KRT20: variants seen among roughly 807,000 people sequenced by gnomAD.
KRT20 encodes keratin 20.
A neutral mutation model predicts 43.0 loss-of-function variants in KRT20; 41 were observed. That is an observed-to-expected ratio of 0.95 (90% CI 0.74 to 1.24). The LOEUF is 1.24. KRT20 is among the 50% of genes most tolerant of loss of function. KRT20 has a pLI of 0.00. For missense variants in KRT20, 533 were observed against 521.2 expected (o/e 1.02, Z -0.22); for synonymous variants, 207 against 200.6 (o/e 1.03, Z -0.27).
At chr17:40,882,689 T>TTCTATTTA in intron 1 of KRT20, 35 bp from the exon 2 acceptor site, 1 of 530,426 alleles carries the variant, frequency 1.9e-6, no homozygotes, top group Non-Finnish European at 2.8e-6. Context: ...ACATTTTCTT[T>TTCTATTTA]TTTATTTATT....
In KRT20 at chr17:40,882,371, C is replaced by T. The variant is rs577469238; in HGVS notation, c.473+201G>A. 152 of 289,138 alleles carry T rather than the reference C, an allele frequency of 5.3e-4. No homozygotes were observed. In the East Asian group the frequency reaches 8.8e-3, roughly 17 times the overall value. 17.9% of individuals were successfully genotyped at this position (289,138 alleles called of 1,614,324 possible). On this transcript the variant is annotated intron_variant, in intron 2 of 7. Transcript: ENST00000167588. Reference sequence around the variant, plus strand: ...GTTACTGGAGGTGTTTAGTTACATGCCGGGGGATCAAGAAAGAGAAGGCCA... The same window carrying T: ...GTTACTGGAGGTGTTTAGTTACATGTCGGGGGATCAAGAAAGAGAAGGCCA...
chr17:40,883,396 AC>A (rs1207889361), intron 1 of KRT20, among the ~76,000 whole-genome samples: 1 of 152,138 alleles, frequency 6.6e-6, no homozygotes, highest in Non-Finnish European at 1.5e-5. Flanking sequence ...TCAAAACTGA[AC>A]TGGATGATCT....
In KRT20 at chr17:40,879,537, C is replaced by T. The variant is rs115161698; in HGVS notation, c.918+276G>A. Among the ~76,000 whole-genome samples, 695 of 152,166 alleles carry T rather than the reference C, an allele frequency of 4.6e-3. 5 individuals carry two copies. Among genetic ancestry groups the T allele is most frequent in the African/African-American group, 0.016 (658 of 41,500 alleles). On this transcript the variant is annotated intron_variant, in intron 5 of 7. Coordinates refer to ENST00000167588, the MANE Select transcript of KRT20 (RefSeq NM_019010.3). The stretch of plus-strand genomic sequence containing the variant: ...ACTACATCATAAATCTGCACATGTA[C>T]TCCTGAACTTAAAAGTTACAAGAAG...
rs1907526757 is a variant in KRT20 at position 40,880,006 on chromosome 17, A to G, written c.793-68T>C. On this transcript the variant is annotated intron_variant, in intron 4 of 7. Transcript: ENST00000167588. ...ATAAGAAAGAAAAGACAGAAAGAGA[A>G]AGGAAGAATGAACAAATGAAAAAGA... The G allele has an allele frequency of 2.5e-6, 4 of 1,599,318 alleles. No homozygotes were observed. The Admixed American group carries it at 6.9e-5, about 28-fold the overall frequency.
intron 3 of KRT20, 70 bp from the exon 4 acceptor site, chr17:40,880,331 CA>C: frequency 2.9e-6 from 4 of 1,389,918 alleles, no homozygotes; most frequent in Non-Finnish European, 3.9e-6. Context: ...GCAGAAAAGA[CA>C]TAAGGAGTCT....
In KRT20 at chr17:40,885,045, G is replaced by A. The variant is rs1359699404; in HGVS notation, c.141C>T (p.Ser47=). Residue 47 remains serine (S), a synonymous_variant, in exon 1 of 8, where the codon TCC becomes TCT. Coordinates refer to ENST00000167588, the MANE Select transcript of KRT20 (RefSeq NM_019010.3). ...GGAGGRGIRI[S]NSRHTVNYGS... is the part of the protein sequence containing the mutation. ...CATAGTTCACCGTGTGTCTGGAGTT[G>A]GAGATGCGGATGCCCCGGCCTCCAG... 6.2e-7 allele frequency: 1 copy of A among 1,614,180 alleles called. No individual in the cohort carries two copies. The highest frequency in any genetic ancestry group is 8.5e-7 in the Non-Finnish European group (1 of 1,180,034).
chr17:40,876,339 A>C lies in KRT20; in HGVS notation c.*22T>G. ...GCCAAATTTCTTTCAAAACCTCAGCAGCATCTCCTTCTGGTAGCTATTTAG... is the reference window on the plus strand; with the variant it reads ...GCCAAATTTCTTTCAAAACCTCAGCCGCATCTCCTTCTGGTAGCTATTTAG... On this transcript the variant is annotated 3_prime_UTR_variant, in exon 8 of 8. Coordinates refer to ENST00000167588, the MANE Select transcript of KRT20 (RefSeq NM_019010.3). 1 of 1,498,020 alleles carries C rather than the reference A, an allele frequency of 6.7e-7. No homozygotes were observed. Among genetic ancestry groups the C allele is most frequent in the East Asian group, 2.3e-5 (1 of 44,308 alleles). The allele number at this position is 1,498,020 out of a possible 1,614,324, so 92.8% of individuals were successfully genotyped here. A position where few individuals can be genotyped will look rare whatever the true frequency, so the allele number is the denominator to read the frequency against.
intron 7 of KRT20, 87 bp from the exon 8 acceptor site, chr17:40,876,545 A>T: frequency 1.3e-6 from 1 of 763,738 alleles, no homozygotes. Context: ...TATTCTTTTT[A>T]CTTATTTCCT....
rs1907748692 is a variant in KRT20, at chr17:40,885,043, T to C, written c.143A>G (p.Asn48Ser). 1 of 1,614,036 alleles carries C rather than the reference T, an allele frequency of 6.2e-7. No homozygotes were observed. Among genetic ancestry groups the C allele is most frequent in the East Asian group, 2.2e-5 (1 of 44,874 alleles). The change falls in exon 1 of 8, where the codon AAC becomes AGC. Residue 48 changes from asparagine to serine, a missense_variant. Asn to Ser is a conservative substitution (Grantham distance 46). Transcript: ENST00000167588. ...CCCATAGTTCACCGTGTGTCTGGAGTTGGAGATGCGGATGCCCCGGCCTCC... is the reference window on the plus strand; with the variant it reads ...CCCATAGTTCACCGTGTGTCTGGAGCTGGAGATGCGGATGCCCCGGCCTCC... ...GAGGRGIRISNSRHTVNYGSD... is the reference protein window; with the variant it reads ...GAGGRGIRISSSRHTVNYGSD...
Position 40,879,856 on chromosome 17 carries a change from G to A in KRT20, c.875C>T (p.Thr292Ile). The A allele has an allele frequency of 6.2e-7, 1 of 1,613,166 alleles. No individual in the cohort carries two copies. Among genetic ancestry groups the A allele is most frequent in the Non-Finnish European group, 8.5e-7 (1 of 1,179,868 alleles). Residue 292 changes from threonine (T) to isoleucine (I), a missense_variant, in exon 5 of 8, where the codon ACC becomes ATC. Physicochemically the swap from Thr to Ile is moderately conservative, Grantham distance 89. Coordinates refer to ENST00000167588, the MANE Select transcript of KRT20 (RefSeq NM_019010.3). ...GAGTTCTATCTCAAGGCTCTGGGAG[G>A]TGCGTCTCAGCTCCGTTAGTTGAAC... ...TEVQLTELRR[T>I]SQSLEIELQS...
rs766332101 is a variant in KRT20, at chr17:40,882,556, G to A, written c.473+16C>T. On this transcript the variant is annotated intron_variant, in intron 2 of 7. Transcript: ENST00000167588. ...ATTCTTTTTCAGAAACTTTTGCCAC[G>A]TATTAGGGAACCTACTTCAGTCTGA... The A allele has an allele frequency of 1.5e-5, 22 of 1,482,566 alleles. No individual in the cohort carries two copies. The highest frequency in any genetic ancestry group is 6.0e-5 in the Admixed American group (3 of 49,968). 91.8% of individuals were successfully genotyped at this position (1,482,566 alleles called of 1,614,324 possible). A position where few individuals can be genotyped will look rare whatever the true frequency, so the allele number is the denominator to read the frequency against.
chr17:40,878,152 C>T lies in KRT20; in HGVS notation c.1132G>A (p.Asp378Asn). 6.2e-7 allele frequency: 1 copy of T among 1,613,532 alleles called. No homozygotes were observed. The highest frequency in any genetic ancestry group is 1.1e-5 in the South Asian group (1 of 91,054). The change falls in exon 6 of 8, where the codon GAC becomes AAC. Residue 378 changes from aspartate to asparagine, a missense_variant. Coordinates refer to ENST00000167588, the MANE Select transcript of KRT20 (RefSeq NM_019010.3). Reference protein sequence around the residue: ...ATYRRLLEGEDVKTTEYQLST... With the variant: ...ATYRRLLEGENVKTTEYQLST... ...TGATTCTAAGAGCCTTACTTTACGT[C>T]TTCTCCTTCCAGAAGGCGGCGGTAA...
In KRT20 at chr17:40,884,921, G is replaced by T; in HGVS notation, c.265C>A (p.Arg89=). ...DRLASYLEKV[R]TLEQSNSKLE... ...TTGGAGTTGGACTGCTCCAGGGTCC[G>T]CACCTTTTCTAGGTAGCTCGCTAGA... The change falls in exon 1 of 8, where the codon CGG becomes AGG. Residue 89 remains arginine, a synonymous_variant. Coordinates refer to ENST00000167588, the MANE Select transcript of KRT20 (RefSeq NM_019010.3). The T allele has an allele frequency of 1.2e-6, 2 of 1,614,160 alleles. No individual in the cohort carries two copies. The highest frequency in any genetic ancestry group is 1.1e-5 in the South Asian group (1 of 91,080).
chr17:40,880,697 G>C lies in KRT20; in HGVS notation c.547C>G (p.Leu183Val). 2 of 1,609,878 alleles carry C rather than the reference G, an allele frequency of 1.2e-6. No homozygotes were observed. The highest frequency in any genetic ancestry group is 1.7e-6 in the Non-Finnish European group (2 of 1,178,034). ...LQGLNKVFDD[L>V]TLHKTDLEIQ... The stretch of plus-strand genomic sequence containing the variant: ...TCCAAATCTGTTTTATGTAGGGTTA[G>C]GTCATCAAAGACCTTATTCAGGCCT... Residue 183 changes from leucine (L) to valine (V), a missense_variant, in exon 3 of 8, where the codon CTA (leucine) becomes GTA (valine). Transcript: ENST00000167588.
chr17:40,882,532 T>C, intron 2 of KRT20, 40 bp downstream of exon 2: 1 of 1,143,212 alleles, frequency 8.7e-7, no homozygotes, highest in East Asian at 2.5e-5. Context: ...ACTAAAGGAA[T>C]TCTTTTTCAG....
In KRT20 at chr17:40,878,299, G is replaced by A; in HGVS notation, c.985C>T (p.Gln329Ter). The A allele has an allele frequency of 6.2e-7, 1 of 1,614,196 alleles. No individual in the cohort carries two copies. Among genetic ancestry groups the A allele is most frequent in the African/African-American group, 1.3e-5 (1 of 75,060 alleles). Residue 329 changes from glutamine to a stop codon, truncating the protein, a stop_gained, in exon 6 of 8, where the codon CAG becomes TAG. Coordinates refer to ENST00000167588, the MANE Select transcript of KRT20 (RefSeq NM_019010.3). LOFTEE classifies it high-confidence loss of function. Reference protein sequence around the residue: ...ARYSSQLANLQSLLSSLEAQL... With the variant: ...ARYSSQLANL ...GCCTCCAGAGAGCTCAACAGCGACTGGAGGTTGGCTAACTGGCTGCTGTAA... is the reference window on the plus strand; with the variant it reads ...GCCTCCAGAGAGCTCAACAGCGACTAGAGGTTGGCTAACTGGCTGCTGTAA...
chr17:40,877,444 A>G, intron 6 of KRT20, 27 bp from the exon 7 acceptor site: 3 of 1,412,236 alleles, frequency 2.1e-6, no homozygotes, highest in Non-Finnish European at 2.9e-6. Flanking sequence ...TGAAAAGAAG[A>G]AAAAAGAAAC....
intron 1 of KRT20, 117 bp downstream of exon 1, chr17:40,884,679 G>A (rs1907728412): frequency 2.6e-6 from 3 of 1,163,190 alleles, no homozygotes; most frequent in Non-Finnish European, 3.6e-6. Context: ...TTTTATAGAT[G>A]TAACATTTTA....
Position 40,877,379 on chromosome 17 carries a change from CCT to C in KRT20, c.1176_1177del (p.Asp393TyrfsTer8). ...AAAATGTGCAAAAATTTAGAACTTA[CCT>C]CTCTCTTCCAGGGTGCTTAACTGAT... is the stretch of plus-strand genomic sequence containing the variant. On this transcript the variant is annotated frameshift_variant and splice_region_variant, in exon 7 of 8. Transcript: ENST00000167588. LOFTEE classifies it low-confidence loss of function (END_TRUNC). 1 of 1,531,566 alleles carries C rather than the reference CCT, an allele frequency of 6.5e-7. No individual in the cohort carries two copies. The allele number at this position is 1,531,566 out of a possible 1,614,324, so 94.9% of individuals were successfully genotyped here.
Sources: gnomAD v4.1 joint callset for allele counts (sites outside exome capture counted in the v4.1 genomes callset) on GRCh38, gnomAD v4.1.1 for gene constraint, MANE v1.5 for transcripts, NCBI Gene and HGNC (gene_info 2026-07-23, HGNC 2026-07-21) for gene names.